The following CD101 variants were observed in gnomAD, a reference collection of about 807,000 sequenced individuals.
The protein encoded by CD101 is CD101 molecule.
Under a neutral mutation model 98.2 loss-of-function variants are expected in CD101, and 76 were observed. The observed-to-expected ratio is 0.77, with a 90% CI of 0.64 to 0.94. The LOEUF (loss-of-function observed/expected upper bound fraction) is 0.94, where lower values mean the gene tolerates loss of function less well. Ranked by LOEUF, CD101 falls within the 40% of genes least tolerant of loss-of-function variation. The pLI is 0.00. For synonymous variants in CD101, 471 were observed against 472.7 expected (o/e 1.00, Z 0.05); for missense variants, 1,145 against 1,218.8 (o/e 0.94, Z 0.90).
intron 8 of CD101, among the ~76,000 whole-genome samples, chr1:117,028,193 A>G (rs1485770775): frequency 6.6e-6 from 1 of 152,238 alleles, no homozygotes; most frequent in Non-Finnish European, 1.5e-5. Flanking sequence ...AACTGGGGAA[A>G]GATGAAGGCC....
intron 4 of CD101, among the ~76,000 whole-genome samples, 183 bp from the exon 5 acceptor site, chr1:117,016,907 G>T (rs1653252748): frequency 6.6e-6 from 1 of 152,158 alleles, no homozygotes; most frequent in South Asian, 2.1e-4. Flanking sequence ...TATTCTTTCT[G>T]CTATCTTGTT....
In CD101 at chr1:117,021,775, TGA is replaced by T; in HGVS notation, c.2222_2223del (p.Glu741ValfsTer13). ...AAACCAATGTTATAAAAACTGGGGA[TGA>T]GTTTCACACCCCACAGAGAAAACAA... Reference protein sequence around the residue: ...DQTNVIKTGDEFHTPQRKQKF... With the variant: ...DQTNVIKTGDXFHTPQRKQKF... On this transcript the variant is annotated frameshift_variant, in exon 7 of 10. Coordinates refer to ENST00000682167, the MANE Select transcript of CD101 (RefSeq NM_001256106.3). LOFTEE classifies it high-confidence loss of function. The surrounding 1 kb of genome is among the most constrained non-coding windows in gnomAD (Gnocchi z 4.7). The T allele has an allele frequency of 1.2e-6, 2 of 1,614,042 alleles. No homozygotes were observed. The highest frequency in any genetic ancestry group is 1.7e-6 in the Non-Finnish European group (2 of 1,179,994).
intron 6 of CD101, among the ~76,000 whole-genome samples, chr1:117,020,786 A>G (rs1192540947): frequency 6.6e-6 from 1 of 152,228 alleles, no homozygotes. Flanking sequence ...TGTCTGGCAC[A>G]TAATATAGTG....
intron 4 of CD101, among the ~76,000 whole-genome samples, chr1:117,014,401 G>T (rs1264558085): frequency 1.4e-4 from 21 of 152,132 alleles, no homozygotes; most frequent in Admixed American, 1.3e-3. Flanking sequence ...CTGACTCACA[G>T]TAAGAAATGA....
Position 117,021,695 on chromosome 1 carries a change from T to C in CD101, c.2140T>C (p.Tyr714His). ...NGNLQLAIIW[Y>H]FSPVSTNASW... ...AAACCTTCAGTTAGCCATTATTTGGTATTTTTCTCCTGTTTCCACTAATGC... is the reference window on the plus strand; with the variant it reads ...AAACCTTCAGTTAGCCATTATTTGGCATTTTTCTCCTGTTTCCACTAATGC... The change falls in exon 7 of 10, where the codon TAT becomes CAT. Residue 714 changes from tyrosine (Y) to histidine (H), a missense_variant. Physicochemically the swap from Tyr to His is moderately conservative, Grantham distance 83. Coordinates refer to ENST00000682167, the MANE Select transcript of CD101 (RefSeq NM_001256106.3). The surrounding 1 kb of genome is among the most constrained non-coding windows in gnomAD (Gnocchi z 4.7). 1.2e-6 allele frequency: 2 copies of C among 1,614,184 alleles called. No individual in the cohort carries two copies. The highest frequency in any genetic ancestry group is 1.1e-5 in the South Asian group (1 of 91,082).
At chr1:117,016,014 T>C (rs536293720) in intron 4 of CD101, among the ~76,000 whole-genome samples, 3 of 152,086 alleles carry the variant, frequency 2.0e-5, no homozygotes, top group Non-Finnish European at 4.4e-5. Context: ...GTTGAATAAA[T>C]GCGTTTGTTG....
At chr1:117,013,944 G>C in intron 4 of CD101, 152 bp downstream of exon 4, 1 of 908,874 alleles carries the variant, frequency 1.1e-6, no homozygotes, top group South Asian at 1.9e-5. Context: ...GTAAAGGAAG[G>C]CACCCAAACT....
At chr1:117,030,947 A>G (rs1654423484) in intron 8 of CD101, among the ~76,000 whole-genome samples, 3 of 152,196 alleles carry the variant, frequency 2.0e-5, no homozygotes, top group Admixed American at 1.3e-4. Flanking sequence ...CCTCATGATG[A>G]AGTGCTCTCA....
At chr1:117,029,189 AAG>A (rs1333394846) in intron 8 of CD101, among the ~76,000 whole-genome samples, 3 of 93,030 alleles carry the variant, frequency 3.2e-5, no homozygotes, top group African/African-American at 1.5e-4. Flanking sequence ...GAAAGAAAGA[AAG>A]AAAGAAAGAA....
Position 117,036,139 on chromosome 1 carries a change from C to T in CD101, c.*34-29C>T, listed in dbSNP as rs1218245521. On this transcript the variant is annotated intron_variant, in intron 9 of 9. Coordinates refer to ENST00000682167, the MANE Select transcript of CD101 (RefSeq NM_001256106.3). The surrounding 1 kb of genome is among the most constrained non-coding windows in gnomAD (Gnocchi z 5.0). ...GTCTCCTGGGAAAGCAGACATTTAA[C>T]CAACTTGAGCAATCAGCTTGTTTTA... 2 of 152,294 alleles carry T rather than the reference C, an allele frequency of 1.3e-5. No homozygotes were observed. Among genetic ancestry groups the T allele is most frequent in the African/African-American group, 4.8e-5 (2 of 41,424 alleles). 9.4% of individuals were successfully genotyped at this position (152,294 alleles called of 1,614,324 possible).
intron 7 of CD101, among the ~76,000 whole-genome samples, chr1:117,024,432 G>A (rs913034691): frequency 1.3e-5 from 2 of 152,116 alleles, no homozygotes; most frequent in African/African-American, 4.8e-5. Context: ...AGCCAAGATT[G>A]TGCCACTGCA....
chr1:117,016,765 A>C (rs1482682118), intron 4 of CD101, among the ~76,000 whole-genome samples: 1 of 152,210 alleles, frequency 6.6e-6, no homozygotes, highest in Non-Finnish European at 1.5e-5. Flanking sequence ...ACGAGGCAGG[A>C]GAATTGCTTG....
At chr1:117,020,791 A>G (rs1653531946) in intron 6 of CD101, among the ~76,000 whole-genome samples, 1 of 152,194 alleles carries the variant, frequency 6.6e-6, no homozygotes, top group Non-Finnish European at 1.5e-5. Flanking sequence ...GGCACATAAT[A>G]TAGTGTGTGC....
At position 117,013,391 on chromosome 1, in the gene CD101, G is replaced by C; in HGVS notation, c.842-15G>C. On this transcript the variant is annotated splice_polypyrimidine_tract_variant and intron_variant, in intron 3 of 9. Transcript: ENST00000682167. ...TGTGGGCTCTCTAAATACCTGCCTTGCTTTTGTTTCCCAGTGAAAGATTTT... is the reference window on the plus strand; with the variant it reads ...TGTGGGCTCTCTAAATACCTGCCTTCCTTTTGTTTCCCAGTGAAAGATTTT... The C allele has an allele frequency of 1.3e-6, 2 of 1,594,018 alleles. No individual in the cohort carries two copies. Among genetic ancestry groups the C allele is most frequent in the Non-Finnish European group, 1.7e-6 (2 of 1,168,330 alleles).
At chr1:117,013,325 C>A (rs1336513273) in intron 3 of CD101, 81 bp from the exon 4 acceptor site, 2 of 1,426,804 alleles carry the variant, frequency 1.4e-6, no homozygotes, top group Non-Finnish European at 1.9e-6. Context: ...GACATCCTTA[C>A]AGAGGGTGTC....
At position 117,025,621 on chromosome 1, in the gene CD101, T is replaced by A. The variant is rs1490270898; in HGVS notation, c.2541T>A (p.Ser847=). 1.9e-6 allele frequency: 3 copies of A among 1,614,126 alleles called. No homozygotes were observed. The highest frequency in any genetic ancestry group is 2.5e-6 in the Non-Finnish European group (3 of 1,180,028). The change falls in exon 8 of 10, where the codon TCT becomes TCA. Residue 847 remains serine, a synonymous_variant. Transcript: ENST00000682167. ...TAGGCAGCTCAGCCACTCTGTACTC[T>A]GTGATGTGGTACTGGAACAGAGAAA... ...ESVGSSATLY[S]VMWYWNRENS...
chr1:117,018,589 T>C lies in CD101; in HGVS notation c.2017+29T>C. 1 of 1,536,458 alleles carries C rather than the reference T, an allele frequency of 6.5e-7. No individual in the cohort carries two copies. Among genetic ancestry groups the C allele is most frequent in the African/African-American group, 1.4e-5 (1 of 72,168 alleles). ...AGTGTGACTTGAAATTAATCCCTGTTTTAAAAACAAACAAATAGCAATCCT... is the reference window on the plus strand; with the variant it reads ...AGTGTGACTTGAAATTAATCCCTGTCTTAAAAACAAACAAATAGCAATCCT... On this transcript the variant is annotated intron_variant, in intron 6 of 9. Transcript: ENST00000682167. The surrounding 1 kb of genome is among the most constrained non-coding windows in gnomAD (Gnocchi z 4.3).
intron 1 of CD101, among the ~76,000 whole-genome samples, chr1:117,003,700 G>A (rs1377944557): frequency 1.3e-5 from 2 of 152,094 alleles, no homozygotes; most frequent in African/African-American, 4.8e-5. Context: ...AGTAATCAAG[G>A]CTCAAAAAGG....
rs1653436362 is a variant in CD101 at position 117,019,391 on chromosome 1, AC to A, written c.2017+832del. Reference sequence around the variant, plus strand: ...TCATTATTCTCTCTGCTGCTGTGCAACATTTTTGGTAATAGTAATGATCCCC... The same window carrying A: ...TCATTATTCTCTCTGCTGCTGTGCAAATTTTTGGTAATAGTAATGATCCCC... On this transcript the variant is annotated intron_variant, in intron 6 of 9. Transcript: ENST00000682167. The surrounding 1 kb of genome is among the most constrained non-coding windows in gnomAD (Gnocchi z 4.3). Among the ~76,000 whole-genome samples the A allele has an allele frequency of 6.6e-6, 1 of 152,154 alleles. No homozygotes were observed. The highest frequency in any genetic ancestry group is 1.5e-5 in the Non-Finnish European group (1 of 68,026).
Sources: gnomAD v4.1 joint callset for allele counts (sites outside exome capture counted in the v4.1 genomes callset) on GRCh38, gnomAD v4.1.1 for gene constraint, Gnocchi (gnomAD v3.1) non-coding constraint, MANE v1.5 for transcripts, NCBI Gene and HGNC (gene_info 2026-07-23, HGNC 2026-07-21) for gene names.